PGBD2: variants seen among roughly 807,000 people sequenced by gnomAD.
PGBD2 encodes piggyBac transposable element-derived protein 2.
A neutral mutation model predicts 8.1 loss-of-function variants in PGBD2; 6 were observed. The observed-to-expected ratio is 0.74, with a 90% CI of 0.40 to 1.46. PGBD2 has a LOEUF of 1.46. PGBD2 is among the 40% of genes most tolerant of loss of function. PGBD2 has a pLI of 0.02. For missense variants in PGBD2, 802 were observed against 739.0 expected (o/e 1.09, Z -0.99); for synonymous variants, 318 against 272.2 (o/e 1.17, Z -1.66).
the PGBD2 span, among the ~76,000 whole-genome samples, chr1:248,893,326 C>G: frequency 2.6e-4 from 39 of 152,316 alleles, no homozygotes; most frequent in Non-Finnish European, 4.7e-4. Context: ...TTCTTCAGAA[C>G]TTATGTTATG....
chr1:248,908,134 C>G (rs902041728), intron 1 of PGBD2, among the ~76,000 whole-genome samples: 2 of 152,208 alleles, frequency 1.3e-5, no homozygotes, highest in African/African-American at 4.8e-5. Context: ...TTACTCTCAC[C>G]TATTTCCATT....
In PGBD2 at chr1:248,906,310, C is replaced by G. The variant is rs893100796; in HGVS notation, c.-80C>G. 2 of 151,896 alleles carry G rather than the reference C, an allele frequency of 1.3e-5. No individual in the cohort carries two copies. Among genetic ancestry groups the G allele is most frequent in the African/African-American group, 2.4e-5 (1 of 41,310 alleles). The allele number at this position is 151,896 out of a possible 1,614,324, so 9.4% of individuals were successfully genotyped here. ...ATTCGGCGCGGCTCATGGTCCGGTT[C>G]GGGCTCGCGAGTCTCCGTCTGGGGT... On this transcript the variant is annotated 5_prime_UTR_variant, in exon 1 of 3. Transcript: ENST00000329291.
chr1:248,903,033 C>G (rs1344344246), upstream of PGBD2, among the ~76,000 whole-genome samples: 1 of 152,026 alleles, frequency 6.6e-6, no homozygotes, highest in Admixed American at 6.6e-5. Flanking sequence ...GAAGAAAAAA[C>G]AAGTTTTTTT....
the PGBD2 span, among the ~76,000 whole-genome samples, chr1:248,929,911 A>G: frequency 2.6e-5 from 4 of 152,134 alleles, no homozygotes; most frequent in African/African-American, 9.7e-5. Flanking sequence ...AGGATGAAAA[A>G]TTGGGAAATT....
At chr1:248,909,619 T>C (rs1478628411) in intron 1 of PGBD2, among the ~76,000 whole-genome samples, 1 of 151,898 alleles carries the variant, frequency 6.6e-6, no homozygotes, top group Admixed American at 6.6e-5. Flanking sequence ...GATACAGAGG[T>C]GGGGTCGACC....
At chr1:248,883,584 C>CTTTTTTTTTTTTTTTTTT in the PGBD2 span, among the ~76,000 whole-genome samples, 3 of 89,144 alleles carry the variant, frequency 3.4e-5, no homozygotes, top group Admixed American at 1.3e-4. Context: ...TTTTTTTTTT[C>CTTTTTTTTTTTTTTTTTT]TTTTTTTTTT....
chr1:248,918,560 T>A lies in PGBD2; in HGVS notation c.*197T>A. The A allele has an allele frequency of 3.3e-6, 1 of 299,194 alleles. No homozygotes were observed. Among genetic ancestry groups the A allele is most frequent in the Non-Finnish European group, 6.3e-6 (1 of 158,368 alleles). 18.5% of individuals were successfully genotyped at this position (299,194 alleles called of 1,614,324 possible). On this transcript the variant is annotated 3_prime_UTR_variant, in exon 3 of 3. Transcript: ENST00000329291. The stretch of plus-strand genomic sequence containing the variant: ...CCTACATGTGATATAAATTAATATT[T>A]ATATTCATTTATATTTATATTTTTG...
the PGBD2 span, among the ~76,000 whole-genome samples, chr1:248,890,047 C>T: frequency 6.6e-6 from 1 of 151,830 alleles, no homozygotes; most frequent in Non-Finnish European, 1.5e-5. Flanking sequence ...CCTGCCTCAG[C>T]CTCCCAAGCA....
Position 248,917,122 on chromosome 1 carries a change from A to C in PGBD2, c.538A>C (p.Lys180Gln), listed in dbSNP as rs1312208902. 6.2e-7 allele frequency: 1 copy of C among 1,614,014 alleles called. No individual in the cohort carries two copies. The highest frequency in any genetic ancestry group is 1.7e-5 in the Admixed American group (1 of 60,010). ...TTTGAGTCTTACGGCTCAGGAATTG[A>C]AGTGTGTTTTGGGCATTTTGATTTT... ...VNLSLTAQEL[K>Q]CVLGILILSG... The change falls in exon 3 of 3, where the codon AAG becomes CAG. Residue 180 changes from lysine to glutamine, a missense_variant. By Grantham distance (53) the Lys-to-Gln change is moderately conservative (BLOSUM62 1). Coordinates refer to ENST00000329291, the MANE Select transcript of PGBD2 (RefSeq NM_170725.3).
At chr1:248,908,082 A>G (rs1490518563) in intron 1 of PGBD2, among the ~76,000 whole-genome samples, 1 of 152,244 alleles carries the variant, frequency 6.6e-6, no homozygotes, top group African/African-American at 2.4e-5. Context: ...AACAGTCAAC[A>G]AAACCAGGAT....
chr1:248,910,496 G>A (rs1174680423), intron 1 of PGBD2, among the ~76,000 whole-genome samples: 1 of 152,224 alleles, frequency 6.6e-6, no homozygotes, highest in Admixed American at 6.5e-5. Context: ...AAGGGCACCA[G>A]GAAGTCTCTT....
At chr1:248,872,851 G>T in the PGBD2 span, among the ~76,000 whole-genome samples, 1 of 152,158 alleles carries the variant, frequency 6.6e-6, no homozygotes, top group African/African-American at 2.4e-5. Flanking sequence ...ACGTGGTGGC[G>T]GGATTACAGG....
chr1:248,874,303 G>C, the PGBD2 span, among the ~76,000 whole-genome samples: 20 of 152,296 alleles, frequency 1.3e-4, no homozygotes, highest in South Asian at 1.2e-3. Context: ...GCCCGGGTTC[G>C]ATTCCCGGTC....
Position 248,918,278 on chromosome 1 carries a change from T to A in PGBD2, c.1694T>A (p.Leu565His), listed in dbSNP as rs758295520. 1.2e-6 allele frequency: 2 copies of A among 1,608,558 alleles called. No homozygotes were observed. The highest frequency in any genetic ancestry group is 2.2e-5 in the South Asian group (2 of 89,996). ...CAGGACAAGAGGACCCGGTGTGCCCTCTGCCACTCACAGACCAACACCCGG... is the reference window on the plus strand; with the variant it reads ...CAGGACAAGAGGACCCGGTGTGCCCACTGCCACTCACAGACCAACACCCGG... Reference protein sequence around the residue: ...IHQDKRTRCALCHSQTNTRCE... With the variant: ...IHQDKRTRCAHCHSQTNTRCE... The change falls in exon 3 of 3, where the codon CTC becomes CAC. Residue 565 changes from leucine (L) to histidine (H), a missense_variant. By Grantham distance (99) the Leu-to-His change is moderately conservative. Transcript: ENST00000329291.
the PGBD2 span, among the ~76,000 whole-genome samples, chr1:248,873,040 T>C: frequency 3.8e-4 from 58 of 152,352 alleles, no homozygotes; most frequent in Non-Finnish European, 6.2e-4. Context: ...GGTCATCTCC[T>C]TCACTAGCAA....
chr1:248,882,317 C>A, the PGBD2 span, among the ~76,000 whole-genome samples: 6 of 152,140 alleles, frequency 3.9e-5, no homozygotes, highest in African/African-American at 1.4e-4. Flanking sequence ...TGAAGTAATT[C>A]TTTAACATAA....
the PGBD2 span, among the ~76,000 whole-genome samples, chr1:248,895,932 C>T: frequency 1.3e-5 from 2 of 151,846 alleles, no homozygotes; most frequent in Non-Finnish European, 2.9e-5. Context: ...GTGATCCGCT[C>T]ACCTCGGCCT....
chr1:248,914,624 G>C, intron 2 of PGBD2: 1 of 1,284,616 alleles, frequency 7.8e-7, no homozygotes, highest in South Asian at 1.2e-5. Context: ...GGGTCCTCAC[G>C]TAGAGGTTGG....
chr1:248,876,170 G>A, the PGBD2 span, among the ~76,000 whole-genome samples: 1 of 151,882 alleles, frequency 6.6e-6, no homozygotes, highest in Admixed American at 6.6e-5. Flanking sequence ...CACCATGCCT[G>A]GCTAATTTTG....
Sources: gnomAD v4.1 joint callset for allele counts (sites outside exome capture counted in the v4.1 genomes callset) on GRCh38, gnomAD v4.1.1 for gene constraint, MANE v1.5 for transcripts, NCBI Gene and HGNC (gene_info 2026-07-23, HGNC 2026-07-21) for gene names.